SPSB1: variants seen among roughly 807,000 people sequenced by gnomAD.
SPSB1 encodes SPRY domain-containing SOCS box protein 1.
SPSB1 carries 8 observed loss-of-function variants against 21.2 expected under a neutral mutation model. The observed-to-expected ratio is 0.38, with a 90% CI of 0.22 to 0.68. The LOEUF is 0.68. SPSB1 is among the 30% of genes least tolerant of loss of function. SPSB1 has a pLI of 0.53. For missense variants in SPSB1, 242 were observed against 377.8 expected (o/e 0.64, Z 2.98); for synonymous variants, 169 against 161.7 (o/e 1.05, Z -0.34).
intron 1 of SPSB1, among the ~76,000 whole-genome samples, chr1:9,297,569 C>T (rs75479523): frequency 0.024 from 3,691 of 152,118 alleles, 152 homozygotes; most frequent in African/African-American, 0.085. Flanking sequence ...GGATGTGGAA[C>T]GAACATGAAG....
At chr1:9,332,737 T>C (rs1047869477) in intron 1 of SPSB1, among the ~76,000 whole-genome samples, 4 of 152,200 alleles carry the variant, frequency 2.6e-5, no homozygotes, top group Non-Finnish European at 5.9e-5. Flanking sequence ...AAGGGCATGG[T>C]GGTATTTTCA....
intron 1 of SPSB1, among the ~76,000 whole-genome samples, chr1:9,314,415 C>T (rs1485166952): frequency 6.6e-6 from 1 of 151,978 alleles, no homozygotes; most frequent in Non-Finnish European, 1.5e-5. Flanking sequence ...AAGATGGGCA[C>T]CTGGCTGCCC....
chr1:9,345,258 C>T lies in SPSB1; in HGVS notation c.-149-10485C>T, dbSNP rs1241868476. Reference sequence around the variant, plus strand: ...GGGGTTGGAGGGCAAAGAGCACCAGCGTCTCTGAGCCTGTCCCCGTGGGTA... The same window carrying T: ...GGGGTTGGAGGGCAAAGAGCACCAGTGTCTCTGAGCCTGTCCCCGTGGGTA... On this transcript the variant is annotated intron_variant, in intron 1 of 2. Coordinates refer to ENST00000328089, the MANE Select transcript of SPSB1 (RefSeq NM_025106.4). The surrounding 1 kb of genome is among the most constrained non-coding windows in gnomAD (Gnocchi z 4.8). Among the ~76,000 whole-genome samples, 2 of 152,162 alleles carry T rather than the reference C, an allele frequency of 1.3e-5. No individual in the cohort carries two copies. The highest frequency in any genetic ancestry group is 2.1e-4 in the South Asian group (1 of 4,830).
At chr1:9,338,556 C>T (rs1293340001) in intron 1 of SPSB1, among the ~76,000 whole-genome samples, 1 of 152,268 alleles carries the variant, frequency 6.6e-6, no homozygotes, top group Non-Finnish European at 1.5e-5. Flanking sequence ...AGGAAGTATA[C>T]TTTCTTCTTT....
chr1:9,314,195 C>CA lies in SPSB1; in HGVS notation c.-150+21132dup, dbSNP rs760067366. ...TATCTCAAAAAAAAAAAACAAAAAACAAAAAAAACAGTGAACGGGACAGCT... is the reference window on the plus strand; with the variant it reads ...TATCTCAAAAAAAAAAAACAAAAAACAAAAAAAAACAGTGAACGGGACAGCT... On this transcript the variant is annotated intron_variant, in intron 1 of 2. Coordinates refer to ENST00000328089, the MANE Select transcript of SPSB1 (RefSeq NM_025106.4). Among the ~76,000 whole-genome samples the CA allele has an allele frequency of 6.7e-3, 987 of 147,124 alleles. 7 individuals carry two copies. Among genetic ancestry groups the CA allele is most frequent in the Middle Eastern group, 0.011 (3 of 284 alleles).
rs1639722424 is a variant in SPSB1, at chr1:9,321,546, G to T, written c.-150+28475G>T. Reference sequence around the variant, plus strand: ...CAAGGATTCAGCTCAGAACGGGGAAGAGGGTGTTTGAGAGACTGATGAGTC... The same window carrying T: ...CAAGGATTCAGCTCAGAACGGGGAATAGGGTGTTTGAGAGACTGATGAGTC... On this transcript the variant is annotated intron_variant, in intron 1 of 2. Coordinates refer to ENST00000328089, the MANE Select transcript of SPSB1 (RefSeq NM_025106.4). The surrounding 1 kb of genome is among the most constrained non-coding windows in gnomAD (Gnocchi z 4.8). Among the ~76,000 whole-genome samples, 1 of 152,190 alleles carries T rather than the reference G, an allele frequency of 6.6e-6. No homozygotes were observed. Among genetic ancestry groups the T allele is most frequent in the African/African-American group, 2.4e-5 (1 of 41,440 alleles).
At chr1:9,299,541 G>A (rs1400067651) in intron 1 of SPSB1, among the ~76,000 whole-genome samples, 3 of 152,078 alleles carry the variant, frequency 2.0e-5, no homozygotes, top group African/African-American at 7.2e-5. Context: ...GTGCAATGGT[G>A]CAATCTCGGC....
intron 1 of SPSB1, among the ~76,000 whole-genome samples, chr1:9,308,735 T>C (rs376538176): frequency 6.6e-6 from 1 of 151,908 alleles, no homozygotes; most frequent in East Asian, 1.9e-4. Context: ...AAGGAGGACT[T>C]TTTTTTTAGA....
intron 2 of SPSB1, among the ~76,000 whole-genome samples, chr1:9,366,827 G>T (rs1396554548): frequency 6.6e-6 from 1 of 152,154 alleles, no homozygotes; most frequent in Non-Finnish European, 1.5e-5. Flanking sequence ...ACCCACCTTG[G>T]CCTCCCAAAA....
At chr1:9,322,468 G>A (rs151053267) in intron 1 of SPSB1, among the ~76,000 whole-genome samples, 1 of 152,150 alleles carries the variant, frequency 6.6e-6, no homozygotes, top group Non-Finnish European at 1.5e-5. Context: ...TCACCTGCAC[G>A]ATCTGTCACC....
At chr1:9,347,179 C>A (rs1237957859) in intron 1 of SPSB1, among the ~76,000 whole-genome samples, 1 of 152,170 alleles carries the variant, frequency 6.6e-6, no homozygotes, top group Non-Finnish European at 1.5e-5. Context: ...GCGTTTTAAA[C>A]GCCCTTCTAC....
At chr1:9,329,370 G>A (rs994490208) in intron 1 of SPSB1, among the ~76,000 whole-genome samples, 3 of 152,090 alleles carry the variant, frequency 2.0e-5, no homozygotes, top group Non-Finnish European at 2.9e-5. Flanking sequence ...GGGCTGGAGG[G>A]CAGTGATGGA....
At chr1:9,353,655 C>G (rs1640312657) in intron 1 of SPSB1, among the ~76,000 whole-genome samples, 2 of 152,064 alleles carry the variant, frequency 1.3e-5, no homozygotes, top group South Asian at 4.1e-4. Flanking sequence ...CGCAGTGGTT[C>G]CCACCTGTAA....
At chr1:9,306,922 CTTTTCTTCT>C (rs1557446032) in intron 1 of SPSB1, among the ~76,000 whole-genome samples, 6 of 133,186 alleles carry the variant, frequency 4.5e-5, no homozygotes, top group Admixed American at 3.0e-4. Flanking sequence ...TACTTTTCTT[CTTTTCTTCT>C]TTTTTTTTTT....
At position 9,348,965 on chromosome 1, in the gene SPSB1, A is replaced by G. The variant is rs545501198; in HGVS notation, c.-149-6778A>G. The stretch of plus-strand genomic sequence containing the variant: ...TGTGTGTGTGTGTGTGTGTGTGTGT[A>G]TATGTGCGTGTGTGCACGTGCATGT... On this transcript the variant is annotated intron_variant, in intron 1 of 2. Coordinates refer to ENST00000328089, the MANE Select transcript of SPSB1 (RefSeq NM_025106.4). The surrounding 1 kb of genome is among the most constrained non-coding windows in gnomAD (Gnocchi z 4.8). Among the ~76,000 whole-genome samples, 109 of 128,190 alleles carry G rather than the reference A, an allele frequency of 8.5e-4. No homozygotes were observed. The highest frequency in any genetic ancestry group is 2.7e-3 in the African/African-American group (89 of 32,470). 84.1% of individuals were successfully genotyped at this position (128,190 alleles called of 152,430 possible).
rs557746767 is a variant in SPSB1, at chr1:9,356,026, T to G, written c.135T>G (p.Pro45=). The change falls in exon 2 of 3, where the codon CCT becomes CCG. Residue 45 remains proline (P), a synonymous_variant. Transcript: ENST00000328089. This position sits in a 1 kb window ranked among gnomAD's most constrained non-coding sequence, Gnocchi z 7.4. ...TRLDLLLDMP[P]VSYDVQLLHS... ...TGGATCTGCTACTGGACATGCCCCC[T>G]GTGTCCTATGATGTCCAGCTGCTGC... 1 of 1,614,158 alleles carries G rather than the reference T, an allele frequency of 6.2e-7. No homozygotes were observed. The highest frequency in any genetic ancestry group is 8.5e-7 in the Non-Finnish European group (1 of 1,180,024).
intron 1 of SPSB1, among the ~76,000 whole-genome samples, chr1:9,301,350 A>G (rs1056031901): frequency 3.9e-5 from 6 of 152,162 alleles, no homozygotes; most frequent in African/African-American, 1.4e-4. Context: ...AAAATAAAAA[A>G]TTAGCTGGGC....
At chr1:9,362,963 GCCCACCCCCTCGGTAGATTTCAGCAGGCA>G (rs1640504771) in intron 2 of SPSB1, among the ~76,000 whole-genome samples, 1 of 152,232 alleles carries the variant, frequency 6.6e-6, no homozygotes. Flanking sequence ...CAGTGCAGGT[GCCCACCCCCTCGGTAGATTTCAGCAGGCA>G]CCTGGGTTTG....
At chr1:9,297,042 C>A (rs1639236303) in intron 1 of SPSB1, among the ~76,000 whole-genome samples, 1 of 152,190 alleles carries the variant, frequency 6.6e-6, no homozygotes, top group Non-Finnish European at 1.5e-5. Flanking sequence ...AAGGCACAGC[C>A]CAGCCTTGCC....
Sources: gnomAD v4.1 joint callset for allele counts (sites outside exome capture counted in the v4.1 genomes callset) on GRCh38, gnomAD v4.1.1 for gene constraint, Gnocchi (gnomAD v3.1) non-coding constraint, MANE v1.5 for transcripts, NCBI Gene and HGNC (gene_info 2026-07-23, HGNC 2026-07-21) for gene names.